Variants in TRAK1 observed in about 807,000 individuals in gnomAD.
TRAK1 encodes the protein trafficking kinesin-binding protein 1.
A neutral mutation model predicts 92.1 loss-of-function variants in TRAK1; 33 were observed. The observed-to-expected ratio is 0.36, with a 90% CI of 0.27 to 0.48. The LOEUF (loss-of-function observed/expected upper bound fraction) is 0.48, where lower values mean the gene tolerates loss of function less well. Ranked by LOEUF, TRAK1 falls within the 20% of genes least tolerant of loss-of-function variation. The pLI is 0.99. For missense variants in TRAK1, 1,123 were observed against 1,257.9 expected (o/e 0.89, Z 1.62); for synonymous variants, 521 against 517.3 (o/e 1.01, Z -0.10).
chr3:42,165,853 G>T (rs1004078460), intron 2 of TRAK1, among the ~76,000 whole-genome samples: 1 of 152,072 alleles, frequency 6.6e-6, no homozygotes, highest in Admixed American at 6.6e-5. Flanking sequence ...CTCCTGTGGG[G>T]TCAGTCTCTC....
intron 14 of TRAK1, among the ~76,000 whole-genome samples, chr3:42,214,656 T>C (rs1043164446): frequency 6.6e-6 from 1 of 152,202 alleles, no homozygotes; most frequent in Non-Finnish European, 1.5e-5. Flanking sequence ...AGAGTCGACT[T>C]TTAATTTTGC....
At chr3:42,163,612 C>A (rs1701530101) in intron 2 of TRAK1, among the ~76,000 whole-genome samples, 1 of 151,992 alleles carries the variant, frequency 6.6e-6, no homozygotes, top group African/African-American at 2.4e-5. Context: ...GGGTCCCACT[C>A]CAGACCTACT....
chr3:42,059,350 C>T (rs540860991), intron 1 of TRAK1, among the ~76,000 whole-genome samples: 2 of 152,298 alleles, frequency 1.3e-5, no homozygotes, highest in Non-Finnish European at 2.9e-5. Context: ...TGTGTGTATA[C>T]AGATTTTGAG....
chr3:42,093,667 C>CT (rs1553713262), intron 1 of TRAK1, among the ~76,000 whole-genome samples: 526 of 10,204 alleles, frequency 0.052, 74 homozygotes, highest in Non-Finnish European at 0.081. Flanking sequence ...CTTCCCTTCC[C>CT]TCCCCTCCCC....
At chr3:42,055,126 G>A (rs762238541) in intron 1 of TRAK1, among the ~76,000 whole-genome samples, 4 of 151,836 alleles carry the variant, frequency 2.6e-5, no homozygotes, top group Non-Finnish European at 4.4e-5. Context: ...CGCCATGTTG[G>A]CCAGGCTGGC....
At chr3:42,044,118 C>G (rs907009102) in intron 1 of TRAK1, among the ~76,000 whole-genome samples, 2 of 152,128 alleles carry the variant, frequency 1.3e-5, no homozygotes, top group Non-Finnish European at 2.9e-5. Context: ...TCAGTTCTGC[C>G]TCAGTGTCCA....
At chr3:42,064,496 A>G (rs892334531) in intron 1 of TRAK1, among the ~76,000 whole-genome samples, 8 of 152,246 alleles carry the variant, frequency 5.3e-5, no homozygotes, top group African/African-American at 1.9e-4. Flanking sequence ...GAACTCTAAA[A>G]TATTATCACC....
intron 14 of TRAK1, among the ~76,000 whole-genome samples, chr3:42,216,664 G>T (rs990345352): frequency 1.7e-4 from 26 of 152,184 alleles, no homozygotes; most frequent in African/African-American, 6.0e-4. Flanking sequence ...TAAGTTTAAA[G>T]CGTATCACAT....
upstream of TRAK1, among the ~76,000 whole-genome samples, chr3:42,083,897 AAAAT>A (rs552038363): frequency 2.8e-4 from 43 of 151,904 alleles, no homozygotes; most frequent in Non-Finnish European, 5.0e-4. Flanking sequence ...TAAAATAAAT[AAAAT>A]AAATAAATAA....
At chr3:42,137,204 T>C (rs1698065785) in intron 2 of TRAK1, among the ~76,000 whole-genome samples, 1 of 152,260 alleles carries the variant, frequency 6.6e-6, no homozygotes, top group Non-Finnish European at 1.5e-5. Context: ...TTTTCAGCAT[T>C]GCTTAATATT....
At chr3:42,192,692 A>C (rs979226924) in intron 7 of TRAK1, among the ~76,000 whole-genome samples, 5 of 152,154 alleles carry the variant, frequency 3.3e-5, no homozygotes, top group Admixed American at 3.3e-4. Context: ...GTTTAGTCAC[A>C]TGGGTTCTCT....
At chr3:42,190,267 C>T (rs1705517667) in intron 6 of TRAK1, among the ~76,000 whole-genome samples, 1 of 152,086 alleles carries the variant, frequency 6.6e-6, no homozygotes, top group Non-Finnish European at 1.5e-5. Context: ...GAGCTGTGTG[C>T]CCACCTAGGC....
At chr3:42,218,821 C>G (rs1710003076) in intron 14 of TRAK1, 1 of 985,282 alleles carries the variant, frequency 1.0e-6, no homozygotes, top group Admixed American at 6.1e-5. Flanking sequence ...GGGACCTGTC[C>G]TGCTCACACT....
chr3:42,068,754 T>C (rs188316870), intron 1 of TRAK1, among the ~76,000 whole-genome samples: 37 of 152,362 alleles, frequency 2.4e-4, no homozygotes, highest in Non-Finnish European at 4.1e-4. Context: ...ACCTCAGTGG[T>C]AACTGTAGAG....
At chr3:42,201,196 C>A in intron 12 of TRAK1, 142 bp downstream of exon 12, 1 of 868,636 alleles carries the variant, frequency 1.2e-6, no homozygotes, top group Non-Finnish European at 1.8e-6. Context: ...TGGTGGCTCG[C>A]GCCTATAATC....
At chr3:42,217,753 A>G (rs987915364) in intron 14 of TRAK1, 2 of 984,942 alleles carry the variant, frequency 2.0e-6, no homozygotes, top group Middle Eastern at 5.2e-4. Context: ...CATGCCTGTT[A>G]TTTGGGATGC....
At chr3:42,057,238 G>A (rs1214256397) in intron 1 of TRAK1, among the ~76,000 whole-genome samples, 1 of 152,158 alleles carries the variant, frequency 6.6e-6, no homozygotes, top group East Asian at 1.9e-4. Flanking sequence ...ATGTAAATAT[G>A]GATGGACCAT....
At chr3:42,220,911 T>G (rs1021699282) in intron 15 of TRAK1, among the ~76,000 whole-genome samples, 1 of 152,092 alleles carries the variant, frequency 6.6e-6, no homozygotes, top group African/African-American at 2.4e-5. Context: ...GAGATTGTTT[T>G]CAAAACCATG....
At chr3:42,083,222 T>C (rs1704516614), upstream of TRAK1, among the ~76,000 whole-genome samples, 1 of 152,190 alleles carries the variant, frequency 6.6e-6, no homozygotes, top group African/African-American at 2.4e-5. Flanking sequence ...GAAGTTTCCT[T>C]AAACTGGGTG....
Sources: allele counts gnomAD v4.1 joint callset (sites outside exome capture counted in the v4.1 genomes callset), GRCh38; gene constraint gnomAD v4.1.1; transcripts MANE v1.5; gene names NCBI Gene and HGNC (gene_info 2026-07-23, HGNC 2026-07-21).